CNTNAP5: variants seen among roughly 807,000 people sequenced by gnomAD.
The protein encoded by CNTNAP5 is contactin-associated protein-like 5.
Under a neutral mutation model 150.2 loss-of-function variants are expected in CNTNAP5, and 72 were observed. The observed-to-expected ratio is 0.48, with a 90% CI of 0.40 to 0.58. The LOEUF (loss-of-function observed/expected upper bound fraction) is 0.58, where lower values mean the gene tolerates loss of function less well. Ranked by LOEUF, CNTNAP5 falls within the 20% of genes least tolerant of loss-of-function variation. The pLI is 0.00. For synonymous variants in CNTNAP5, 672 were observed against 619.8 expected (o/e 1.08, Z -1.25); for missense variants, 1,636 against 1,626.2 (o/e 1.01, Z -0.10).
At chr2:124,826,857 A>G (rs1041628619) in intron 19 of CNTNAP5, among the ~76,000 whole-genome samples, 1 of 152,174 alleles carries the variant, frequency 6.6e-6, no homozygotes, top group Non-Finnish European at 1.5e-5. Flanking sequence ...GTTTGATTGC[A>G]TCTGTGATGA....
chr2:124,635,035 C>A (rs534667954), intron 12 of CNTNAP5, among the ~76,000 whole-genome samples: 46 of 152,234 alleles, frequency 3.0e-4, no homozygotes, highest in African/African-American at 1.1e-3. Context: ...ATTACCAGTA[C>A]CAATTTTCTA....
At chr2:124,311,124 G>A (rs185002596) in intron 3 of CNTNAP5, among the ~76,000 whole-genome samples, 3 of 152,080 alleles carry the variant, frequency 2.0e-5, no homozygotes, top group Non-Finnish European at 4.4e-5. Flanking sequence ...GAGCTTCTTT[G>A]CTTCATTTTT....
At chr2:124,769,612 C>T (rs1249721978) in intron 16 of CNTNAP5, among the ~76,000 whole-genome samples, 2 of 152,182 alleles carry the variant, frequency 1.3e-5, no homozygotes, top group East Asian at 3.8e-4. Context: ...CCTTAAGGGC[C>T]CTGTTATACT....
At chr2:124,034,454 C>T (rs1681155128) in intron 1 of CNTNAP5, among the ~76,000 whole-genome samples, 1 of 152,170 alleles carries the variant, frequency 6.6e-6, no homozygotes, top group Non-Finnish European at 1.5e-5. Flanking sequence ...CTCATTTTAT[C>T]TCCCATGTAA....
chr2:124,810,163 A>G (rs1297973684), intron 19 of CNTNAP5, among the ~76,000 whole-genome samples: 3 of 152,196 alleles, frequency 2.0e-5, no homozygotes, highest in Admixed American at 6.5e-5. Flanking sequence ...CTGATATTGC[A>G]TAAAAACTAC....
chr2:124,229,866 G>A lies in CNTNAP5; in HGVS notation c.187+8057G>A, dbSNP rs915762266. Among the ~76,000 whole-genome samples the A allele has an allele frequency of 8.4e-4, 127 of 151,810 alleles. 1 individual carries two copies. Among genetic ancestry groups the A allele is most frequent in the Non-Finnish European group, 1.2e-3 (80 of 67,950 alleles). ...GAAATAGACATCTTTGGCCCCATGA[G>A]AGGAGAGGTTTGTATTTTTCTATTG... On this transcript the variant is annotated intron_variant, in intron 2 of 23. Transcript: ENST00000682447.
intron 19 of CNTNAP5, among the ~76,000 whole-genome samples, chr2:124,862,685 A>C (rs575692404): frequency 6.6e-6 from 1 of 152,318 alleles, no homozygotes; most frequent in East Asian, 1.9e-4. Flanking sequence ...ACTGAAGAAG[A>C]CGCTCAGGGA....
At chr2:124,102,430 C>T (rs891164709) in intron 1 of CNTNAP5, among the ~76,000 whole-genome samples, 1 of 152,162 alleles carries the variant, frequency 6.6e-6, no homozygotes, top group Non-Finnish European at 1.5e-5. Flanking sequence ...AGAAGTTCAG[C>T]GACCAGGCTC....
intron 19 of CNTNAP5, among the ~76,000 whole-genome samples, chr2:124,845,679 G>C (rs1683033800): frequency 6.6e-6 from 1 of 151,940 alleles, no homozygotes; most frequent in Admixed American, 6.6e-5. Context: ...TTATTGGTCT[G>C]TTCAGAGATT....
chr2:124,052,140 G>A (rs1268165540), intron 1 of CNTNAP5, among the ~76,000 whole-genome samples: 1 of 152,160 alleles, frequency 6.6e-6, no homozygotes, highest in African/African-American at 2.4e-5. Flanking sequence ...CTGGAGTGGT[G>A]ACAAAAGTCC....
rs575338013 is a variant in CNTNAP5 at position 124,748,111 on chromosome 2, A to T, written c.2234+726A>T. Among the ~76,000 whole-genome samples, 25 of 152,094 alleles carry T rather than the reference A, an allele frequency of 1.6e-4. No homozygotes were observed. In the East Asian group the frequency reaches 4.7e-3, roughly 28 times the overall value. On this transcript the variant is annotated intron_variant, in intron 14 of 23. Transcript: ENST00000682447. ...AGGCTGTTTCTTCATGCTCCCATTG[A>T]TGTTTCAGTCACCAGCCTTCCCTTT...
chr2:124,587,142 A>C (rs1696556891), intron 11 of CNTNAP5, among the ~76,000 whole-genome samples: 1 of 152,214 alleles, frequency 6.6e-6, no homozygotes, highest in African/African-American at 2.4e-5. Context: ...TAACTATAGT[A>C]TCAAATGCTA....
At chr2:124,514,576 G>C (rs1694663085) in intron 8 of CNTNAP5, among the ~76,000 whole-genome samples, 1 of 152,186 alleles carries the variant, frequency 6.6e-6, no homozygotes, top group Non-Finnish European at 1.5e-5. Context: ...CCTTCCAGGA[G>C]CTCATAGGCA....
At chr2:124,149,985 C>T (rs762968359) in intron 1 of CNTNAP5, among the ~76,000 whole-genome samples, 5 of 152,168 alleles carry the variant, frequency 3.3e-5, no homozygotes, top group Non-Finnish European at 5.9e-5. Context: ...TGGTTAGAAC[C>T]TAGATCTCTG....
At chr2:124,599,613 C>T (rs954207678) in intron 11 of CNTNAP5, among the ~76,000 whole-genome samples, 1 of 152,132 alleles carries the variant, frequency 6.6e-6, no homozygotes, top group African/African-American at 2.4e-5. Context: ...CTTTCTTCTT[C>T]TGTTCTTTGG....
intron 6 of CNTNAP5, among the ~76,000 whole-genome samples, chr2:124,460,432 T>C (rs888992719): frequency 6.6e-6 from 1 of 152,204 alleles, no homozygotes; most frequent in Non-Finnish European, 1.5e-5. Flanking sequence ...TATTCCTAGT[T>C]TTCTTTAAAA....
intron 19 of CNTNAP5, among the ~76,000 whole-genome samples, chr2:124,807,343 G>A (rs1286161644): frequency 1.3e-5 from 2 of 152,180 alleles, no homozygotes; most frequent in Admixed American, 6.5e-5. Flanking sequence ...TCGGGGGATA[G>A]TTTCCAGCCT....
intron 1 of CNTNAP5, among the ~76,000 whole-genome samples, chr2:124,084,516 A>C (rs1573742035): frequency 6.6e-6 from 1 of 151,882 alleles, no homozygotes; most frequent in Non-Finnish European, 1.5e-5. Flanking sequence ...AGATCCATCC[A>C]CCTCAGCCTC....
intron 13 of CNTNAP5, among the ~76,000 whole-genome samples, chr2:124,670,931 C>A (rs1212363309): frequency 1.3e-5 from 2 of 152,058 alleles, no homozygotes; most frequent in African/African-American, 4.8e-5. Flanking sequence ...CTTATGTAAG[C>A]ATGTTTTTAG....
Sources: allele counts gnomAD v4.1 joint callset (sites outside exome capture counted in the v4.1 genomes callset), GRCh38; gene constraint gnomAD v4.1.1; transcripts MANE v1.5; gene names NCBI Gene and HGNC (gene_info 2026-07-23, HGNC 2026-07-21).